Variants in LAMB4 observed in about 807,000 individuals in gnomAD.
The protein encoded by LAMB4 is laminin subunit beta 4.
LAMB4 carries 196 observed loss-of-function variants against 199.2 expected under a neutral mutation model. The observed-to-expected ratio is 0.98, with a 90% CI of 0.88 to 1.11. The LOEUF is 1.11. Ranked by LOEUF, LAMB4 falls within the 50% of genes least tolerant of loss-of-function variation. The probability of loss-of-function intolerance (pLI) is 0.00; values close to 1 mark genes in which losing one functional copy is unlikely to be tolerated. For missense variants in LAMB4, 2,080 were observed against 2,171.2 expected (o/e 0.96, Z 0.83); for synonymous variants, 744 against 770.6 (o/e 0.97, Z 0.57).
Position 108,067,352 on chromosome 7 carries a change from T to C in LAMB4, c.2446+664A>G, listed in dbSNP as rs75660404. 5.1e-3 allele frequency among the ~76,000 whole-genome samples: 776 copies of C among 152,354 alleles called. 5 individuals carry two copies. Among genetic ancestry groups the C allele is most frequent in the African/African-American group, 0.018 (742 of 41,586 alleles). On this transcript the variant is annotated intron_variant, in intron 19 of 33. Transcript: ENST00000388781. ...TCCCTACTTGGAAAGGAAATTAACC[T>C]ACCTGTAGGTTTTCATGGTTCCTAA...
chr7:108,076,067 T>C (rs1584692126), intron 17 of LAMB4: 1 of 152,648 alleles, frequency 6.6e-6, no homozygotes, highest in Middle Eastern at 1.9e-3. Context: ...TAAAATATTT[T>C]TAAAAATATG....
rs538825773 is a variant in LAMB4, at chr7:108,098,868, T to G, written c.1181-286A>C. On this transcript the variant is annotated intron_variant, in intron 10 of 33. Coordinates refer to ENST00000388781, the MANE Select transcript of LAMB4 (RefSeq NM_007356.3). The stretch of plus-strand genomic sequence containing the variant: ...TTATGAAAATTAAGACTAGATTATG[T>G]TAAGAATAGACTGATTCTTCTGGGG... 5.9e-5 allele frequency among the ~76,000 whole-genome samples: 9 copies of G among 152,324 alleles called. No individual in the cohort carries two copies. In the East Asian group the frequency reaches 1.7e-3, roughly 29 times the overall value.
rs764296606 is a variant in LAMB4 at position 108,111,810 on chromosome 7, C to T, written c.328+1G>A. On this transcript the variant is annotated splice_donor_variant, in intron 4 of 33. Transcript: ENST00000388781. LOFTEE classifies it high-confidence loss of function. The stretch of plus-strand genomic sequence containing the variant: ...CAACTGGAAAGGAACTTAAATCATA[C>T]CATTTTCAGATTGCCACCATTTCTT... The T allele has an allele frequency of 1.2e-6, 2 of 1,610,516 alleles. No homozygotes were observed. Among genetic ancestry groups the T allele is most frequent in the East Asian group, 2.2e-5 (1 of 44,756 alleles).
intron 29 of LAMB4, among the ~76,000 whole-genome samples, chr7:108,043,545 G>GTGTTT (rs2035496985): frequency 1.1e-4 from 6 of 56,000 alleles, no homozygotes; most frequent in African/African-American, 8.8e-4. Flanking sequence ...TGGCTATGAT[G>GTGTTT]TTTTTTTTTT....
chr7:108,078,424 C>T (rs2036791292), intron 15 of LAMB4, 108 bp from the exon 16 acceptor site: 1 of 674,414 alleles, frequency 1.5e-6, no homozygotes, highest in Admixed American at 2.5e-5. Flanking sequence ...TTTGCAACCC[C>T]TAGGCCACTT....
At chr7:108,106,667 A>G (rs2038028420) in intron 6 of LAMB4, 95 bp from the exon 7 acceptor site, 1 of 691,492 alleles carries the variant, frequency 1.4e-6, no homozygotes, top group Non-Finnish European at 2.4e-6. Flanking sequence ...CAGGCCCAAG[A>G]AATCTTACCA....
In LAMB4 at chr7:108,091,718, A is replaced by G. The variant is rs773305572; in HGVS notation, c.1609T>C (p.Ser537Pro). The part of the protein sequence containing the change: ...CRPHVTGRSC[S>P]EPAPGYFFAP... ...AAGAAGTAGCCAGGGGCTGGTTCAG[A>G]GCAGCTACGGCCAGTGACATGTGGG... The change falls in exon 14 of 34, where the codon TCT (serine) becomes CCT (proline). Residue 537 changes from serine to proline, a missense_variant. Physicochemically the swap from Ser to Pro is moderately conservative, Grantham distance 74 (BLOSUM62 -1). Coordinates refer to ENST00000388781, the MANE Select transcript of LAMB4 (RefSeq NM_007356.3). 3.7e-6 allele frequency: 6 copies of G among 1,614,238 alleles called. No homozygotes were observed. The South Asian group carries it at 6.6e-5, about 18-fold the overall frequency.
intron 31 of LAMB4, among the ~76,000 whole-genome samples, chr7:108,033,090 T>C (rs1466487911): frequency 6.6e-6 from 1 of 152,204 alleles, no homozygotes; most frequent in Non-Finnish European, 1.5e-5. Flanking sequence ...GAAATGGAAG[T>C]CCCTTCCTGT....
chr7:108,063,258 C>G (rs2036227892), intron 22 of LAMB4, among the ~76,000 whole-genome samples: 1 of 152,104 alleles, frequency 6.6e-6, no homozygotes, highest in Admixed American at 6.5e-5. Flanking sequence ...TTATTTTTCC[C>G]TCATGTCACT....
chr7:108,063,712 A>G (rs1448098013), intron 22 of LAMB4, 49 bp downstream of exon 22: 10 of 1,468,870 alleles, frequency 6.8e-6, no homozygotes, highest in African/African-American at 1.4e-5. Context: ...CACACTTATG[A>G]GCTGTCACTC....
At chr7:108,029,284 A>AT in intron 32 of LAMB4, 88 bp from the exon 33 acceptor site, 1 of 1,115,240 alleles carries the variant, frequency 9.0e-7, no homozygotes, top group Non-Finnish European at 1.3e-6. Flanking sequence ...CATTCATAGA[A>AT]GGAATACAGA....
Position 108,103,119 on chromosome 7 carries a change from G to A in LAMB4, c.1105C>T (p.Gln369Ter). 1 of 1,613,762 alleles carries A rather than the reference G, an allele frequency of 6.2e-7. No individual in the cohort carries two copies. Among genetic ancestry groups the A allele is most frequent in the African/African-American group, 1.3e-5 (1 of 75,054 alleles). The change falls in exon 10 of 34, where the codon CAG (glutamine) becomes TAG (stop). Residue 369 changes from glutamine to a stop codon, truncating the protein, a stop_gained. Coordinates refer to ENST00000388781, the MANE Select transcript of LAMB4 (RefSeq NM_007356.3). LOFTEE classifies it high-confidence loss of function. ...CEDCQHNTEG[Q>*]HCDRCRPLFY... is the part of the protein sequence containing the mutation. ...AGGGGTCTGCAGCGGTCGCAGTGCTGCCCCTCAGTGTTGTGCTGGCAGTCT... is the reference window on the plus strand; with the variant it reads ...AGGGGTCTGCAGCGGTCGCAGTGCTACCCCTCAGTGTTGTGCTGGCAGTCT...
intron 28 of LAMB4, among the ~76,000 whole-genome samples, chr7:108,044,955 CAAAAAA>C (rs756256335): frequency 1.8e-5 from 1 of 56,578 alleles, no homozygotes; most frequent in Non-Finnish European, 3.3e-5. Context: ...ATTCTTGTCT[CAAAAAA>C]AAAAAAAAAA....
At chr7:108,032,497 TG>T (rs1304785658) in intron 31 of LAMB4, among the ~76,000 whole-genome samples, 2 of 152,300 alleles carry the variant, frequency 1.3e-5, no homozygotes, top group East Asian at 3.9e-4. Flanking sequence ...AGAGGATTTT[TG>T]TTTGCCTCTG....
At chr7:108,055,540 A>C in intron 25 of LAMB4, 92 bp downstream of exon 25, 1 of 1,329,012 alleles carries the variant, frequency 7.5e-7, no homozygotes, top group Non-Finnish European at 1.0e-6. Context: ...ACATAGGTAC[A>C]TTTCTAAATT....
intron 17 of LAMB4, 36 bp downstream of exon 17, chr7:108,076,907 AG>A: frequency 6.2e-7 from 1 of 1,606,870 alleles, no homozygotes; most frequent in Non-Finnish European, 8.5e-7. Flanking sequence ...GGTGCTTAGT[AG>A]CGAAGAAAGC....
chr7:108,062,871 T>A lies in LAMB4; in HGVS notation c.3185A>T (p.Asp1062Val). The change falls in exon 23 of 34, where the codon GAC becomes GTC. Residue 1062 changes from aspartate to valine, a missense_variant. Asp to Val is a radical substitution (Grantham distance 152). Transcript: ENST00000388781. ...ATTCCAGTATCCATCAGCACAACGG[T>A]CACAGGCCAGGCCTGTGACATTCGG... is the stretch of plus-strand genomic sequence containing the variant. ...CLPNVTGLAC[D>V]RCADGYWNLV... 2.5e-6 allele frequency: 4 copies of A among 1,593,524 alleles called. No individual in the cohort carries two copies. The highest frequency in any genetic ancestry group is 3.4e-6 in the Non-Finnish European group (4 of 1,171,444).
intron 17 of LAMB4, among the ~76,000 whole-genome samples, chr7:108,072,852 C>T (rs999040621): frequency 1.1e-4 from 16 of 152,074 alleles, no homozygotes; most frequent in African/African-American, 3.9e-4. Flanking sequence ...AAACACAAAC[C>T]AAGTGGGGAG....
Position 108,097,707 on chromosome 7 carries a change from C to A in LAMB4, c.1360+696G>T, listed in dbSNP as rs562725468. ...CCAGCCTGGGTGACAGAGCGAGACT[C>A]CGTCTCACAAATAAATAAATAAATA... is the stretch of plus-strand genomic sequence containing the variant. On this transcript the variant is annotated intron_variant, in intron 11 of 33. Coordinates refer to ENST00000388781, the MANE Select transcript of LAMB4 (RefSeq NM_007356.3). 5.4e-3 allele frequency among the ~76,000 whole-genome samples: 822 copies of A among 151,652 alleles called. 6 individuals are homozygous for A. Among genetic ancestry groups the A allele is most frequent in the African/African-American group, 0.019 (796 of 40,956 alleles).
Sources: allele counts gnomAD v4.1 joint callset (sites outside exome capture counted in the v4.1 genomes callset), GRCh38; gene constraint gnomAD v4.1.1; transcripts MANE v1.5; gene names NCBI Gene and HGNC (gene_info 2026-07-23, HGNC 2026-07-21).